The following MRAS variants were observed in gnomAD, a reference collection of about 807,000 sequenced individuals.
MRAS encodes the protein muscle RAS oncogene homolog.
A neutral mutation model predicts 20.9 loss-of-function variants in MRAS; 4 were observed. The observed-to-expected ratio is 0.19, with a 90% CI of 0.09 to 0.44. The LOEUF (loss-of-function observed/expected upper bound fraction) is 0.44. Ranked by LOEUF, MRAS falls within the 20% of genes least tolerant of loss-of-function variation. The probability of loss-of-function intolerance (pLI) is 0.99; values close to 1 mark genes in which losing one functional copy is unlikely to be tolerated. For missense variants in MRAS, 154 were observed against 277.5 expected (o/e 0.56, Z 3.16); for synonymous variants, 98 against 102.9 (o/e 0.95, Z 0.29).
rs144169905 is a variant in MRAS at position 138,401,100 on chromosome 3, C to G, written c.527+487C>G. Among the ~76,000 whole-genome samples, 6 of 152,364 alleles carry G rather than the reference C, an allele frequency of 3.9e-5. No homozygotes were observed. In the East Asian group the frequency reaches 7.7e-4, roughly 20 times the overall value. ...TCCCAACCCCACCAGCTGTCAATCTCCAAGTATTGTCAGCAATCCTAATGA... is the reference window on the plus strand; with the variant it reads ...TCCCAACCCCACCAGCTGTCAATCTGCAAGTATTGTCAGCAATCCTAATGA... On this transcript the variant is annotated intron_variant, in intron 5 of 5. Coordinates refer to ENST00000423968, the MANE Select transcript of MRAS (RefSeq NM_001085049.3).
chr3:138,394,634 A>G (rs2055197657), intron 2 of MRAS, among the ~76,000 whole-genome samples: 1 of 152,172 alleles, frequency 6.6e-6, no homozygotes, highest in Non-Finnish European at 1.5e-5. Context: ...CTGGAAGTCA[A>G]ACATGGTGTC....
At chr3:138,356,913 A>G (rs1354556601) in intron 1 of MRAS, among the ~76,000 whole-genome samples, 1 of 151,834 alleles carries the variant, frequency 6.6e-6, no homozygotes, top group Non-Finnish European at 1.5e-5. Flanking sequence ...CGTCCCACCC[A>G]CCGCAGTGGA....
chr3:138,400,020 G>T (rs2055326303), intron 4 of MRAS, among the ~76,000 whole-genome samples: 1 of 152,194 alleles, frequency 6.6e-6, no homozygotes, highest in South Asian at 2.1e-4. Context: ...CAGGCTCATA[G>T]ATACAGATCA....
In MRAS at chr3:138,402,592, G is replaced by T; in HGVS notation, c.*323G>T. 3.6e-6 allele frequency: 1 copy of T among 279,218 alleles called. No individual in the cohort carries two copies. Among genetic ancestry groups the T allele is most frequent in the Non-Finnish European group, 6.7e-6 (1 of 149,214 alleles). 17.3% of individuals were successfully genotyped at this position (279,218 alleles called of 1,614,324 possible). On this transcript the variant is annotated 3_prime_UTR_variant, in exon 6 of 6. Coordinates refer to ENST00000423968, the MANE Select transcript of MRAS (RefSeq NM_001085049.3). ...TTGTTTATTGTAACTACATAGTGTTGGTTTGATGTGGAAGTGTTTATCCAC... is the reference window on the plus strand; with the variant it reads ...TTGTTTATTGTAACTACATAGTGTTTGTTTGATGTGGAAGTGTTTATCCAC...
chr3:138,374,189 C>T (rs370978169), intron 2 of MRAS, among the ~76,000 whole-genome samples: 16 of 152,076 alleles, frequency 1.1e-4, no homozygotes, highest in South Asian at 1.0e-3. Flanking sequence ...TCTCGATCTC[C>T]GGACCTCGTG....
At chr3:138,357,556 T>C (rs2054360887) in intron 1 of MRAS, among the ~76,000 whole-genome samples, 1 of 152,260 alleles carries the variant, frequency 6.6e-6, no homozygotes. Context: ...AAGGATTTTC[T>C]CCTTGTAGAA....
intron 2 of MRAS, among the ~76,000 whole-genome samples, chr3:138,390,943 GT>G (rs1488839878): frequency 6.6e-6 from 1 of 152,150 alleles, no homozygotes; most frequent in Non-Finnish European, 1.5e-5. Flanking sequence ...ACTGTGTATG[GT>G]TTTCTCCATA....
intron 3 of MRAS, 55 bp from the exon 4 acceptor site, chr3:138,398,414 C>T: frequency 6.8e-7 from 1 of 1,465,102 alleles, no homozygotes; most frequent in Non-Finnish European, 9.6e-7. Context: ...GCCACCTTAA[C>T]CAGGTGTGAG....
At chr3:138,374,259 G>A (rs777322553) in intron 2 of MRAS, among the ~76,000 whole-genome samples, 12 of 152,154 alleles carry the variant, frequency 7.9e-5, no homozygotes, top group East Asian at 3.9e-4. Context: ...GAACCACCAC[G>A]CCTGGCTTAT....
At chr3:138,358,316 G>A (rs1198249267) in intron 1 of MRAS, among the ~76,000 whole-genome samples, 2 of 129,596 alleles carry the variant, frequency 1.5e-5, no homozygotes, top group East Asian at 2.5e-4. Flanking sequence ...CAGCCTGGGC[G>A]ACAGAACAAG....
At chr3:138,353,618 G>C (rs981252438) in intron 1 of MRAS, among the ~76,000 whole-genome samples, 1 of 152,164 alleles carries the variant, frequency 6.6e-6, no homozygotes, top group Admixed American at 6.5e-5. Context: ...AAATGTCATA[G>C]TTTAAAAACA....
intron 1 of MRAS, among the ~76,000 whole-genome samples, chr3:138,360,430 T>G (rs886639151): frequency 3.3e-5 from 5 of 152,224 alleles, no homozygotes; most frequent in Non-Finnish European, 7.3e-5. Context: ...AGGGACAACC[T>G]TAGCTGTACT....
At chr3:138,399,124 A>G (rs2055305333) in intron 4 of MRAS, among the ~76,000 whole-genome samples, 1 of 152,224 alleles carries the variant, frequency 6.6e-6, no homozygotes, top group Admixed American at 6.5e-5. Context: ...CAGGGCCAGG[A>G]GAAAGTGGAA....
chr3:138,384,002 C>CA (rs2108538562), intron 2 of MRAS, among the ~76,000 whole-genome samples: 1 of 152,238 alleles, frequency 6.6e-6, no homozygotes, highest in East Asian at 1.9e-4. Context: ...AAGAGAATCT[C>CA]AGTCAGTGGG....
At chr3:138,380,457 C>G (rs147872520) in intron 2 of MRAS, among the ~76,000 whole-genome samples, 1 of 151,576 alleles carries the variant, frequency 6.6e-6, no homozygotes, top group Non-Finnish European at 1.5e-5. Flanking sequence ...GGATTACAGG[C>G]GTGCACCACC....
intron 2 of MRAS, among the ~76,000 whole-genome samples, chr3:138,393,157 C>T (rs1052118715): frequency 3.9e-5 from 6 of 152,168 alleles, no homozygotes; most frequent in African/African-American, 1.4e-4. Context: ...CACATTGGAT[C>T]ATCTTAGATT....
chr3:138,370,272 C>A (rs1025729676), intron 1 of MRAS, among the ~76,000 whole-genome samples: 3 of 152,202 alleles, frequency 2.0e-5, no homozygotes, highest in Non-Finnish European at 1.5e-5. Context: ...TGAGCTGAGA[C>A]CACGCTACTG....
intron 1 of MRAS, among the ~76,000 whole-genome samples, chr3:138,367,759 T>C (rs2054590864): frequency 6.6e-6 from 1 of 152,200 alleles, no homozygotes; most frequent in Admixed American, 6.5e-5. Context: ...GTGGCTCTTG[T>C]CCTCGTGGAG....
chr3:138,380,789 G>A (rs1211699470), intron 2 of MRAS, among the ~76,000 whole-genome samples: 2 of 130,382 alleles, frequency 1.5e-5, no homozygotes, highest in Non-Finnish European at 3.2e-5. Context: ...TTTTTTTTTT[G>A]AGACGGTGTC....
Sources: gnomAD v4.1 joint callset for allele counts (sites outside exome capture counted in the v4.1 genomes callset) on GRCh38, gnomAD v4.1.1 for gene constraint, MANE v1.5 for transcripts, NCBI Gene and HGNC (gene_info 2026-07-23, HGNC 2026-07-21) for gene names.